The following RGL1 variants were observed in gnomAD, a reference collection of about 807,000 sequenced individuals.
RGL1 encodes ral guanine nucleotide dissociation stimulator-like 1.
RGL1 carries 24 observed loss-of-function variants against 95.2 expected under a neutral mutation model. The ratio of observed to expected loss-of-function variants is 0.25; its 90% CI spans 0.18 to 0.35. The LOEUF (loss-of-function observed/expected upper bound fraction) is 0.35, where lower values mean the gene tolerates loss of function less well. Ranked by LOEUF, RGL1 falls within the 10% of genes least tolerant of loss-of-function variation. RGL1 has a pLI of 1.00. For synonymous variants in RGL1, 329 were observed against 344.9 expected, an observed-to-expected ratio of 0.95 and a Z score of 0.51; for missense variants, 715 against 936.3, an observed-to-expected ratio of 0.76 and a Z score of 3.08.
chr1:183,864,879 T>C (rs533189546), intron 3 of RGL1, among the ~76,000 whole-genome samples: 2 of 152,336 alleles, frequency 1.3e-5, no homozygotes, highest in Admixed American at 6.5e-5. Flanking sequence ...GATGGTGGGC[T>C]TTTATTTTTA....
intron 1 of RGL1, among the ~76,000 whole-genome samples, chr1:183,666,005 CTT>C (rs746295660): frequency 3.8e-5 from 5 of 130,680 alleles, no homozygotes; most frequent in Non-Finnish European, 6.6e-5. Context: ...TTCTTTTTTT[CTT>C]TTTTTTTTTT....
chr1:183,681,557 T>G (rs1653214138), intron 1 of RGL1, among the ~76,000 whole-genome samples: 2 of 152,198 alleles, frequency 1.3e-5, no homozygotes, highest in African/African-American at 2.4e-5. Flanking sequence ...CTTTTTGATG[T>G]GCTGCTAGGT....
At chr1:183,870,566 G>T (rs1233068515) in intron 4 of RGL1, among the ~76,000 whole-genome samples, 1 of 152,200 alleles carries the variant, frequency 6.6e-6, no homozygotes, top group Non-Finnish European at 1.5e-5. Context: ...GGCGCAAGTG[G>T]CCTTGAGCTT....
chr1:183,778,790 T>C (rs1021232687), intron 2 of RGL1, among the ~76,000 whole-genome samples: 1 of 152,210 alleles, frequency 6.6e-6, no homozygotes, highest in Non-Finnish European at 1.5e-5. Context: ...TCTGAGCAGA[T>C]TGACATATTT....
intron 1 of RGL1, among the ~76,000 whole-genome samples, chr1:183,656,635 C>G (rs1483071584): frequency 2.0e-5 from 3 of 152,222 alleles, no homozygotes; most frequent in African/African-American, 2.4e-5. Flanking sequence ...TGCAGCAGCA[C>G]TGGAGATGCT....
chr1:183,920,393 C>T (rs1410353135), intron 16 of RGL1, among the ~76,000 whole-genome samples: 2 of 152,202 alleles, frequency 1.3e-5, no homozygotes, highest in African/African-American at 2.4e-5. Flanking sequence ...GGCTCACATT[C>T]GATACCTATG....
chr1:183,895,844 T>C (rs1667666996), intron 9 of RGL1, among the ~76,000 whole-genome samples: 1 of 152,182 alleles, frequency 6.6e-6, no homozygotes, highest in Admixed American at 6.5e-5. Flanking sequence ...CTCATTCTCA[T>C]GAAATCATAA....
intron 4 of RGL1, among the ~76,000 whole-genome samples, chr1:183,874,030 G>A (rs1320595011): frequency 1.3e-5 from 2 of 152,150 alleles, no homozygotes; most frequent in East Asian, 3.8e-4. Flanking sequence ...TGGACTGTGG[G>A]GAATGAGTTA....
intron 1 of RGL1, among the ~76,000 whole-genome samples, chr1:183,639,753 G>T (rs922306946): frequency 6.6e-6 from 1 of 150,964 alleles, no homozygotes; most frequent in African/African-American, 2.4e-5. Flanking sequence ...ATTTATTTGG[G>T]AATTAGAAAA....
chr1:183,806,000 T>C (rs1343680516), intron 1 of RGL1, among the ~76,000 whole-genome samples: 1 of 103,600 alleles, frequency 9.7e-6, no homozygotes. Flanking sequence ...TTTTTTTTTT[T>C]TTTTTTTTTT....
rs889457353 is a variant in RGL1 at position 183,927,650 on chromosome 1, C to T, written c.*1358C>T. The stretch of plus-strand genomic sequence containing the variant: ...TCACACTCTTCCTTCCAAGTCTGAG[C>T]TGTGCTGGGGTTTGAACTAAAAGCC... On this transcript the variant is annotated 3_prime_UTR_variant, in exon 18 of 18. Coordinates refer to ENST00000360851, the MANE Select transcript of RGL1 (RefSeq NM_001297671.3). 3 of 152,546 alleles carry T rather than the reference C, an allele frequency of 2.0e-5. No homozygotes were observed. The highest frequency in any genetic ancestry group is 7.2e-5 in the African/African-American group (3 of 41,414). The allele number at this position is 152,546 out of a possible 1,614,324, so 9.4% of individuals were successfully genotyped here. A position where few individuals can be genotyped will look rare whatever the true frequency, so the allele number is the denominator to read the frequency against.
At chr1:183,710,260 G>A (rs76253818) in intron 1 of RGL1, 1,917 of 170,290 alleles carry the variant, frequency 0.011, 50 homozygotes, top group African/African-American at 0.044. Flanking sequence ...TGCCTCCCCC[G>A]CACCCCCACT....
At chr1:183,829,276 T>A in intron 2 of RGL1, among the ~76,000 whole-genome samples, 1 of 151,886 alleles carries the variant, frequency 6.6e-6, no homozygotes, top group Non-Finnish European at 1.5e-5. Flanking sequence ...CTCGTCTCTA[T>A]GAAAAAAATA....
At chr1:183,925,036 T>G (rs929875909) in intron 17 of RGL1, among the ~76,000 whole-genome samples, 2 of 152,152 alleles carry the variant, frequency 1.3e-5, no homozygotes, top group African/African-American at 4.8e-5. Context: ...TAACTTTGCT[T>G]TGATGATTTC....
At chr1:183,736,484 T>A (rs968833545) in intron 1 of RGL1, among the ~76,000 whole-genome samples, 10 of 152,234 alleles carry the variant, frequency 6.6e-5, no homozygotes, top group African/African-American at 2.4e-4. Flanking sequence ...TCAGGTCTTG[T>A]GACTAGAATT....
At chr1:183,749,652 G>T (rs1168578629) in intron 2 of RGL1, among the ~76,000 whole-genome samples, 1 of 152,168 alleles carries the variant, frequency 6.6e-6, no homozygotes, top group Non-Finnish European at 1.5e-5. Context: ...TTTCTCCATA[G>T]TGTCGTTGGT....
intron 3 of RGL1, among the ~76,000 whole-genome samples, chr1:183,848,791 A>G (rs1195672497): frequency 6.6e-6 from 1 of 152,198 alleles, no homozygotes; most frequent in Non-Finnish European, 1.5e-5. Flanking sequence ...GAGGTAATCC[A>G]TGTATATGGT....
rs938037116 is a variant in RGL1, at chr1:183,644,959, C to T, written c.-33+8458C>T. Among the ~76,000 whole-genome samples, 3 of 152,090 alleles carry T rather than the reference C, an allele frequency of 2.0e-5. No individual in the cohort carries two copies. In the South Asian group the frequency reaches 6.2e-4, roughly 31 times the overall value. ...AGCTGGTCATAGAGGTTTGTGTTGT[C>T]TCTTGTTGCCTAGACCCTCCCAAAC... On this transcript the variant is annotated intron_variant, in intron 1 of 18. Transcript: ENST00000304685.
chr1:183,784,400 A>T (rs1199236970), intron 2 of RGL1, among the ~76,000 whole-genome samples: 1 of 152,234 alleles, frequency 6.6e-6, no homozygotes, highest in Non-Finnish European at 1.5e-5. Context: ...GCTCAGGTTC[A>T]TGGGCAGACT....
Sources: allele counts gnomAD v4.1 joint callset (sites outside exome capture counted in the v4.1 genomes callset), GRCh38; gene constraint gnomAD v4.1.1; transcripts MANE v1.5; gene names NCBI Gene and HGNC (gene_info 2026-07-23, HGNC 2026-07-21).